Variants in PTPRT observed in about 807,000 individuals in gnomAD.
PTPRT encodes the protein protein tyrosine phosphatase receptor type T.
PTPRT carries 56 observed loss-of-function variants against 176.8 expected under a neutral mutation model. That is an observed-to-expected ratio of 0.32 (90% CI 0.26 to 0.40). PTPRT has a LOEUF of 0.40. Ranked by LOEUF, PTPRT falls within the 10% of genes least tolerant of loss-of-function variation. The pLI, the probability that PTPRT is intolerant of heterozygous loss-of-function variation, is 1.00. For missense variants in PTPRT, 1,540 were observed against 1,908.2 expected (o/e 0.81, Z 3.60); for synonymous variants, 783 against 739.0 (o/e 1.06, Z -0.96).
At position 42,189,110 on chromosome 20, in the gene PTPRT, C is replaced by CCA. The variant is rs778816451; in HGVS notation, c.2491+10129_2491+10130insTG. Among the ~76,000 whole-genome samples, 249 of 152,280 alleles carry CCA rather than the reference C, an allele frequency of 1.6e-3. 3 individuals are homozygous for CCA. Among genetic ancestry groups the CCA allele is most frequent in the Middle Eastern group, 6.8e-3 (2 of 294 alleles). On this transcript the variant is annotated intron_variant, in intron 16 of 30. Transcript: ENST00000373187. ...GAAGTCCTTTCCAAGGAGGCTCCAG[C>CCA]TACCATTCCAGCTTCGTCTCTGGCC... is the stretch of plus-strand genomic sequence containing the variant.
intron 1 of PTPRT, among the ~76,000 whole-genome samples, chr20:43,170,593 G>T (rs1224655516): frequency 6.6e-6 from 1 of 152,138 alleles, no homozygotes; most frequent in Non-Finnish European, 1.5e-5. Flanking sequence ...TCTCCAAAAG[G>T]TAATAATATT....
At chr20:42,394,564 T>A (rs2058830704) in intron 9 of PTPRT, among the ~76,000 whole-genome samples, 1 of 152,200 alleles carries the variant, frequency 6.6e-6, no homozygotes, top group Non-Finnish European at 1.5e-5. Flanking sequence ...AATCATGATG[T>A]TTTTAAAATA....
At chr20:42,549,716 C>A (rs1157575760) in intron 7 of PTPRT, among the ~76,000 whole-genome samples, 1 of 152,122 alleles carries the variant, frequency 6.6e-6, no homozygotes, top group Non-Finnish European at 1.5e-5. Flanking sequence ...CTCGCCACAG[C>A]TGGTGAATGG....
intron 5 of PTPRT, among the ~76,000 whole-genome samples, chr20:42,762,218 G>A (rs2076925264): frequency 6.6e-6 from 1 of 152,034 alleles, no homozygotes; most frequent in African/African-American, 2.4e-5. Context: ...ATTAGGTTGG[G>A]GTGAGGTTTC....
chr20:42,674,290 T>A (rs1600587354), intron 7 of PTPRT, among the ~76,000 whole-genome samples: 1 of 152,200 alleles, frequency 6.6e-6, no homozygotes, highest in African/African-American at 2.4e-5. Context: ...CAACGTTTTT[T>A]AAAAATAAAA....
intron 19 of PTPRT, among the ~76,000 whole-genome samples, chr20:42,128,481 A>G (rs1337396626): frequency 6.6e-6 from 1 of 152,132 alleles, no homozygotes; most frequent in Non-Finnish European, 1.5e-5. Context: ...GAATGAATGA[A>G]TGGATCAACA....
chr20:42,112,396 G>T (rs1987049216), intron 22 of PTPRT, among the ~76,000 whole-genome samples: 1 of 152,216 alleles, frequency 6.6e-6, no homozygotes, highest in African/African-American at 2.4e-5. Flanking sequence ...GCATCCTTCA[G>T]TGACTGACTG....
At chr20:42,244,612 G>A (rs2056416379) in intron 14 of PTPRT, among the ~76,000 whole-genome samples, 1 of 152,182 alleles carries the variant, frequency 6.6e-6, no homozygotes, top group African/African-American at 2.4e-5. Context: ...ACTTGGCTTT[G>A]GTGTTTCCCT....
intron 12 of PTPRT, among the ~76,000 whole-genome samples, chr20:42,300,223 AC>A (rs1283228011): frequency 6.9e-6 from 1 of 144,974 alleles, no homozygotes; most frequent in Non-Finnish European, 1.5e-5. Context: ...ACGCCATTGT[AC>A]TCCGGCCTGG....
intron 1 of PTPRT, among the ~76,000 whole-genome samples, chr20:42,909,340 C>G (rs1336407063): frequency 6.6e-6 from 1 of 152,142 alleles, no homozygotes; most frequent in Non-Finnish European, 1.5e-5. Context: ...AAACTGCCAC[C>G]TCCCACCCCT....
At chr20:42,589,338 C>A (rs1216926429) in intron 7 of PTPRT, among the ~76,000 whole-genome samples, 1 of 152,142 alleles carries the variant, frequency 6.6e-6, no homozygotes, top group East Asian at 1.9e-4. Context: ...TAGCTTTCTC[C>A]ATTAGCAAGA....
intron 1 of PTPRT, among the ~76,000 whole-genome samples, chr20:43,032,107 T>C (rs970601317): frequency 1.3e-5 from 2 of 152,196 alleles, no homozygotes; most frequent in African/African-American, 4.8e-5. Context: ...ACTCCCATTT[T>C]ACACTTAAGA....
intron 1 of PTPRT, among the ~76,000 whole-genome samples, chr20:43,020,956 C>T (rs534282739): frequency 2.7e-4 from 41 of 152,186 alleles, no homozygotes; most frequent in African/African-American, 9.4e-4. Flanking sequence ...ATAAAGCTCA[C>T]GTCCATTTCA....
At chr20:42,231,613 T>C (rs1198558198) in intron 15 of PTPRT, among the ~76,000 whole-genome samples, 1 of 152,084 alleles carries the variant, frequency 6.6e-6, no homozygotes, top group African/African-American at 2.4e-5. Flanking sequence ...ACAGGATGAA[T>C]CTTGACTGTC....
At chr20:42,223,111 TGA>T (rs1377054418) in intron 15 of PTPRT, among the ~76,000 whole-genome samples, 1 of 152,174 alleles carries the variant, frequency 6.6e-6, no homozygotes, top group Non-Finnish European at 1.5e-5. Context: ...AAATGCAGTG[TGA>T]GAGAGTTTTT....
Position 42,080,762 on chromosome 20 carries a change from C to T in PTPRT, c.*117G>A. 2 of 1,031,360 alleles carry T rather than the reference C, an allele frequency of 1.9e-6. No individual in the cohort carries two copies. The highest frequency in any genetic ancestry group is 3.0e-6 in the Non-Finnish European group (2 of 677,126). The allele number at this position is 1,031,360 out of a possible 1,614,324, so 63.9% of individuals were successfully genotyped here. A position where few individuals can be genotyped will look rare whatever the true frequency, so the allele number is the denominator to read the frequency against. On this transcript the variant is annotated 3_prime_UTR_variant, in exon 31 of 31. Transcript: ENST00000373187. ...GGAACACAGGGCCACCAGTCTTCTC[C>T]TTGGAGTCAGGCAGGGTGCCACCTC...
intron 1 of PTPRT, among the ~76,000 whole-genome samples, chr20:43,160,401 C>T (rs529038205): frequency 3.7e-4 from 56 of 152,154 alleles, no homozygotes; most frequent in Non-Finnish European, 7.2e-4. Flanking sequence ...CTTGCTGCAT[C>T]CAAAGAGGTG....
intron 2 of PTPRT, among the ~76,000 whole-genome samples, chr20:42,884,016 T>C (rs1160963600): frequency 2.1e-5 from 3 of 144,178 alleles, no homozygotes; most frequent in Non-Finnish European, 4.6e-5. Context: ...TCCAGATTTA[T>C]TGGGCCACTA....
At chr20:42,274,329 T>G (rs530261162) in intron 13 of PTPRT, among the ~76,000 whole-genome samples, 6 of 152,176 alleles carry the variant, frequency 3.9e-5, no homozygotes, top group Non-Finnish European at 4.4e-5. Flanking sequence ...ATATTCTAGA[T>G]GGCACAGCAA....
Sources: allele counts gnomAD v4.1 joint callset (sites outside exome capture counted in the v4.1 genomes callset), GRCh38; gene constraint gnomAD v4.1.1; transcripts MANE v1.5; gene names NCBI Gene and HGNC (gene_info 2026-07-23, HGNC 2026-07-21).